DAPK2: variants seen among roughly 807,000 people sequenced by gnomAD.
DAPK2 encodes the protein death associated protein kinase 2, also known as death-associated protein kinase 2.
A neutral mutation model predicts 44.1 loss-of-function variants in DAPK2; 35 were observed. That is an observed-to-expected ratio of 0.79 (90% CI 0.61 to 1.05). The LOEUF (loss-of-function observed/expected upper bound fraction) is 1.05, where lower values mean the gene tolerates loss of function less well. DAPK2 is among the 50% of genes least tolerant of loss of function. The pLI, the probability that DAPK2 is intolerant of heterozygous loss-of-function variation, is 0.00. For synonymous variants in DAPK2, 174 were observed against 182.6 expected, an observed-to-expected ratio of 0.95 and a Z score of 0.38; for missense variants, 453 against 483.2, an observed-to-expected ratio of 0.94 and a Z score of 0.59.
At chr15:64,039,786 C>T (rs1425833654) in intron 1 of DAPK2, among the ~76,000 whole-genome samples, 1 of 152,118 alleles carries the variant, frequency 6.6e-6, no homozygotes, top group African/African-American at 2.4e-5. Flanking sequence ...AAGTTCTGAG[C>T]TTAAAACAAA....
At chr15:64,010,100 A>G (rs1461214179) in intron 1 of DAPK2, among the ~76,000 whole-genome samples, 1 of 152,210 alleles carries the variant, frequency 6.6e-6, no homozygotes, top group East Asian at 1.9e-4. Context: ...CGAGACCAGT[A>G]AGATCAGGAT....
At chr15:63,981,327 C>T (rs1441584705) in intron 2 of DAPK2, among the ~76,000 whole-genome samples, 1 of 152,090 alleles carries the variant, frequency 6.6e-6, no homozygotes, top group African/African-American at 2.4e-5. Flanking sequence ...GGCCCCTCAA[C>T]CTTGGACTCC....
intron 4 of DAPK2, among the ~76,000 whole-genome samples, chr15:63,935,236 G>A (rs552077499): frequency 6.6e-5 from 10 of 151,914 alleles, no homozygotes; most frequent in Admixed American, 3.9e-4. Context: ...GATTACAAGC[G>A]TGCGCCACCA....
intron 1 of DAPK2, among the ~76,000 whole-genome samples, chr15:64,024,805 G>C (rs332277): frequency 0.82 from 125,195 of 152,170 alleles, 51,822 homozygotes; most frequent in East Asian, 0.92. Flanking sequence ...AACTAGTGGG[G>C]CCTGCCCCCA....
rs573636084 is a variant in DAPK2, at chr15:63,997,655, T to C, written c.93-13901A>G. ...CTTTGCTGCAATTTAAAATGGACCC[T>C]AGCCTCTAAAATGGTCTCTTTCCTC... On this transcript the variant is annotated intron_variant, in intron 1 of 10. Transcript: ENST00000261891. Among the ~76,000 whole-genome samples the C allele has an allele frequency of 4.6e-5, 7 of 152,268 alleles. No homozygotes were observed. The East Asian group carries it at 1.2e-3, about 25-fold the overall frequency.
intron 1 of DAPK2, 35 bp downstream of exon 2, chr15:64,040,135 C>A: frequency 1.9e-6 from 3 of 1,567,966 alleles, no homozygotes; most frequent in Admixed American, 1.7e-5. Context: ...CTTTGGCTCC[C>A]TCGGCATCCC....
Position 63,908,448 on chromosome 15 carries a change from G to T in DAPK2, c.*72C>A. ...CGCCCGGGTGCTGGTGCTGAGCTGG[G>T]TCCAAAAGTCTGCACAGAAGGGAGC... On this transcript the variant is annotated 3_prime_UTR_variant, in exon 11 of 11. Transcript: ENST00000261891. The surrounding 1 kb of genome is among the most constrained non-coding windows in gnomAD (Gnocchi z 5.7). 9.7e-7 allele frequency: 1 copy of T among 1,033,058 alleles called. No individual in the cohort carries two copies. Among genetic ancestry groups the T allele is most frequent in the Non-Finnish European group, 1.4e-6 (1 of 724,122 alleles). The allele number at this position is 1,033,058 out of a possible 1,614,324, so 64.0% of individuals were successfully genotyped here. A position where few individuals can be genotyped will look rare whatever the true frequency, so the allele number is the denominator to read the frequency against.
intron 3 of DAPK2, among the ~76,000 whole-genome samples, chr15:63,968,705 T>C (rs902211811): frequency 6.6e-6 from 1 of 152,222 alleles, no homozygotes; most frequent in Admixed American, 6.5e-5. Context: ...GCATTGAAGC[T>C]GAAAAGCTGA....
rs2077244136 is a variant in DAPK2, at chr15:63,939,288, TG to T, written c.526del (p.His176ThrfsTer3). 2 of 1,613,652 alleles carry T rather than the reference TG, an allele frequency of 1.2e-6. No homozygotes were observed. Among genetic ancestry groups the T allele is most frequent in the African/African-American group, 1.3e-5 (1 of 74,754 alleles). ...AAATTCAACTCCATCTTCTATTTCG[TG>T]AGCCAGACCAAAGTCAATCAGCTTG... On this transcript the variant is annotated frameshift_variant, in exon 4 of 11. Coordinates refer to ENST00000261891, the Ensembl canonical transcript of DAPK2. LOFTEE classifies it high-confidence loss of function. This position sits in a 1 kb window ranked among gnomAD's most constrained non-coding sequence, Gnocchi z 4.3.
chr15:63,995,684 C>G (rs1054867406), intron 1 of DAPK2, among the ~76,000 whole-genome samples: 23 of 152,208 alleles, frequency 1.5e-4, no homozygotes, highest in African/African-American at 5.5e-4. Flanking sequence ...TCCCCCTGAC[C>G]TGGTCCTTTC....
At chr15:63,970,236 C>T (rs1166773677) in intron 3 of DAPK2, among the ~76,000 whole-genome samples, 2 of 152,190 alleles carry the variant, frequency 1.3e-5, no homozygotes, top group Non-Finnish European at 2.9e-5. Flanking sequence ...GCTCCCAGAC[C>T]CTTGTGTCTG....
At chr15:64,034,038 T>G (rs1224881647) in intron 1 of DAPK2, among the ~76,000 whole-genome samples, 3 of 152,130 alleles carry the variant, frequency 2.0e-5, no homozygotes, top group Non-Finnish European at 4.4e-5. Context: ...GACATTCACC[T>G]CGAATAACTT....
At chr15:64,019,096 AC>A in intron 1 of DAPK2, among the ~76,000 whole-genome samples, 1 of 152,086 alleles carries the variant, frequency 6.6e-6, no homozygotes, top group Non-Finnish European at 1.5e-5. Flanking sequence ...CCCCATCCCC[AC>A]CCCAACATTC....
At chr15:64,032,353 A>T (rs2141152513) in intron 1 of DAPK2, among the ~76,000 whole-genome samples, 1 of 152,354 alleles carries the variant, frequency 6.6e-6, no homozygotes, top group African/African-American at 2.4e-5. Context: ...GAGTGAGGAA[A>T]CAGCAAGAGC....
At chr15:63,969,756 A>G (rs1190910328) in intron 3 of DAPK2, among the ~76,000 whole-genome samples, 1 of 144,374 alleles carries the variant, frequency 6.9e-6, no homozygotes, top group Non-Finnish European at 1.5e-5. Flanking sequence ...AAAAAAAAAA[A>G]GTGACAGTGA....
intron 1 of DAPK2, among the ~76,000 whole-genome samples, chr15:64,039,285 C>A (rs1422537506): frequency 6.6e-6 from 1 of 152,210 alleles, no homozygotes; most frequent in African/African-American, 2.4e-5. Flanking sequence ...AGGCTAGGTG[C>A]TCTGATGAGC....
At chr15:63,971,611 C>A (rs771418521) in intron 2 of DAPK2, 50 bp from the exon 4 acceptor site, 1 of 1,598,596 alleles carries the variant, frequency 6.3e-7, no homozygotes, top group East Asian at 2.3e-5. Flanking sequence ...GTCAGCTCTG[C>A]ATGTCATGAG....
chr15:64,031,087 C>T (rs2141143410), intron 1 of DAPK2, among the ~76,000 whole-genome samples: 1 of 151,950 alleles, frequency 6.6e-6, no homozygotes, highest in Non-Finnish European at 1.5e-5. Context: ...ATCCTGACTG[C>T]CTTGTTTAAA....
chr15:63,989,432 C>T (rs1211045827), intron 1 of DAPK2, among the ~76,000 whole-genome samples: 1 of 152,064 alleles, frequency 6.6e-6, no homozygotes, highest in Admixed American at 6.6e-5. Context: ...AAGTGACTGG[C>T]AATTGGGCCA....
Sources: allele counts gnomAD v4.1 joint callset (sites outside exome capture counted in the v4.1 genomes callset), GRCh38; gene constraint gnomAD v4.1.1; non-coding constraint Gnocchi (gnomAD v3.1); transcripts MANE v1.5; gene names NCBI Gene and HGNC (gene_info 2026-07-23, HGNC 2026-07-21).